POLR3B: variants seen among roughly 807,000 people sequenced by gnomAD.
The protein encoded by POLR3B is DNA-directed RNA polymerase III subunit RPC2.
In POLR3B, 96 loss-of-function variants were observed where a neutral mutation model predicts 147.4. The ratio of observed to expected loss-of-function variants is 0.65; its 90% confidence interval spans 0.55 to 0.77. The LOEUF (loss-of-function observed/expected upper bound fraction) is 0.77. Ranked by LOEUF, POLR3B falls within the 30% of genes least tolerant of loss-of-function variation. The pLI, the probability that POLR3B is intolerant of heterozygous loss-of-function variation, is 0.00. For synonymous variants in POLR3B, 461 were observed against 485.9 expected, an observed-to-expected ratio of 0.95 and a Z score of 0.67; for missense variants, 1,036 against 1,413.5, an observed-to-expected ratio of 0.73 and a Z score of 4.28.
chr12:106,362,417 G>A (rs1271298389), intron 1 of POLR3B, among the ~76,000 whole-genome samples: 1 of 152,192 alleles, frequency 6.6e-6, no homozygotes, highest in African/African-American at 2.4e-5. Flanking sequence ...TTTTCTCATA[G>A]TTCTGGAAGT....
At chr12:106,456,206 G>A (rs114578456) in intron 20 of POLR3B, among the ~76,000 whole-genome samples, 3,070 of 152,200 alleles carry the variant, frequency 0.02, 101 homozygotes, top group African/African-American at 0.067. Flanking sequence ...AGTGTTGAAG[G>A]AATGACAGCT....
intron 19 of POLR3B, among the ~76,000 whole-genome samples, chr12:106,445,369 GA>G (rs1167752954): frequency 6.6e-6 from 1 of 152,180 alleles, no homozygotes; most frequent in East Asian, 1.9e-4. Context: ...CACTTAAAGT[GA>G]GAGTGGGTTT....
chr12:106,358,164 C>A, intron 1 of POLR3B: 2 of 1,441,504 alleles, frequency 1.4e-6, no homozygotes, highest in East Asian at 2.5e-5. Flanking sequence ...AGCTGTCAGC[C>A]GCTGCGGGGG....
intron 12 of POLR3B, among the ~76,000 whole-genome samples, chr12:106,423,996 A>G (rs564163763): frequency 6.6e-6 from 1 of 152,024 alleles, no homozygotes; most frequent in East Asian, 1.9e-4. Flanking sequence ...AGCTGGGATT[A>G]TAGGCACCCG....
chr12:106,445,321 T>A (rs1593045511), intron 19 of POLR3B, among the ~76,000 whole-genome samples: 1 of 152,274 alleles, frequency 6.6e-6, no homozygotes, highest in East Asian at 1.9e-4. Flanking sequence ...AATGCTGTAA[T>A]TGACAACCAA....
chr12:106,487,725 G>A (rs868294120), intron 23 of POLR3B, among the ~76,000 whole-genome samples: 3 of 152,130 alleles, frequency 2.0e-5, no homozygotes, highest in Non-Finnish European at 4.4e-5. Flanking sequence ...AAGCCTGATC[G>A]CTTCAAAGGT....
intron 2 of POLR3B, 31 bp downstream of exon 2, chr12:106,363,933 T>A: frequency 6.6e-7 from 1 of 1,506,246 alleles, no homozygotes; most frequent in Non-Finnish European, 9.2e-7. Context: ...AATAATTGGT[T>A]ATTTTTCAGA....
intron 9 of POLR3B, among the ~76,000 whole-genome samples, chr12:106,388,438 C>T (rs1165797212): frequency 6.6e-6 from 1 of 152,164 alleles, no homozygotes; most frequent in East Asian, 1.9e-4. Context: ...CTGCCTCAGC[C>T]TCCCAAGTAG....
In POLR3B at chr12:106,479,526, G is replaced by T. The variant is rs1171652597; in HGVS notation, c.2713+15906G>T. Among the ~76,000 whole-genome samples, 32 of 151,424 alleles carry T rather than the reference G, an allele frequency of 2.1e-4. 1 individual carries two copies. The highest frequency in any genetic ancestry group is 2.1e-3 in the Admixed American group (32 of 15,190). On this transcript the variant is annotated intron_variant, in intron 23 of 27. Coordinates refer to ENST00000228347, the MANE Select transcript of POLR3B (RefSeq NM_018082.6). ...CTCCCGAGTAGCTGGGACTACAGGT[G>T]CCCGCCACCATGCCTAGCTAATTTT...
intron 18 of POLR3B, among the ~76,000 whole-genome samples, chr12:106,440,850 G>A (rs369461942): frequency 6.6e-6 from 1 of 151,514 alleles, no homozygotes; most frequent in Non-Finnish European, 1.5e-5. Flanking sequence ...TTTTCATCTG[G>A]TTTTTCATTG....
rs1428274353 is a variant in POLR3B, at chr12:106,427,341, G to A, written c.1246G>A (p.Val416Met). 1 of 1,613,496 alleles carries A rather than the reference G, an allele frequency of 6.2e-7. No homozygotes were observed. The highest frequency in any genetic ancestry group is 1.1e-5 in the South Asian group (1 of 91,062). ...CCAAGACCAGATCACCAATGGCATG[G>A]TGAATGCTATTTCTACCGTAAGTCT... ...MRQDQITNGM[V>M]NAISTGNWSL... Residue 416 changes from valine (V) to methionine (M), a missense_variant, in exon 13 of 28, where the codon GTG becomes ATG. By Grantham distance (21) the Val-to-Met change is conservative. Transcript: ENST00000228347.
chr12:106,509,355 T>G, intron 27 of POLR3B, 65 bp from the exon 28 acceptor site: 3 of 1,568,788 alleles, frequency 1.9e-6, no homozygotes, highest in Non-Finnish European at 2.6e-6. Flanking sequence ...CCATTCTCAC[T>G]TCCTACGTGG....
intron 12 of POLR3B, among the ~76,000 whole-genome samples, chr12:106,411,520 G>T (rs971865024): frequency 5.3e-5 from 8 of 152,144 alleles, no homozygotes; most frequent in African/African-American, 1.9e-4. Context: ...ACAAAGTGAA[G>T]TATGACTTTA....
intron 22 of POLR3B, among the ~76,000 whole-genome samples, chr12:106,462,795 G>T (rs1326394135): frequency 6.6e-6 from 1 of 152,096 alleles, no homozygotes; most frequent in African/African-American, 2.4e-5. Context: ...GACCCACTCT[G>T]GTCAGGTCTC....
chr12:106,414,543 T>G (rs2037275951), intron 12 of POLR3B, among the ~76,000 whole-genome samples: 1 of 152,188 alleles, frequency 6.6e-6, no homozygotes, highest in Admixed American at 6.5e-5. Context: ...AACTCTGATT[T>G]AGTCTCCAGG....
chr12:106,444,724 C>A, intron 19 of POLR3B, 134 bp downstream of exon 19: 1 of 906,350 alleles, frequency 1.1e-6, no homozygotes, highest in South Asian at 1.4e-5. Flanking sequence ...GGTTACCAAG[C>A]CCAGGGAGTT....
At chr12:106,421,615 T>A (rs966581114) in intron 12 of POLR3B, among the ~76,000 whole-genome samples, 2 of 152,062 alleles carry the variant, frequency 1.3e-5, no homozygotes, top group African/African-American at 4.8e-5. Flanking sequence ...CAAGGAGATT[T>A]TTGTATATTT....
Position 106,509,266 on chromosome 12 carries a change from C to T in POLR3B, c.3273-154C>T, listed in dbSNP as rs537467115. 4.6e-5 allele frequency among the ~76,000 whole-genome samples: 7 copies of T among 152,212 alleles called. No individual in the cohort carries two copies. In the South Asian group the frequency reaches 6.2e-4, roughly 14 times the overall value. ...ATGTTTCTTTTTTTCTGGGCACATA[C>T]GTACTTATATGATAGTGCAACTGAA... On this transcript the variant is annotated intron_variant, in intron 27 of 27. Transcript: ENST00000228347.
intron 7 of POLR3B, 61 bp downstream of exon 7, chr12:106,376,511 G>C: frequency 8.5e-7 from 1 of 1,180,838 alleles, no homozygotes; most frequent in Non-Finnish European, 1.3e-6. Context: ...CTGCTGCTGT[G>C]GTTTTAACAT....
Sources: gnomAD v4.1 joint callset for allele counts (sites outside exome capture counted in the v4.1 genomes callset) on GRCh38, gnomAD v4.1.1 for gene constraint, MANE v1.5 for transcripts, NCBI Gene and HGNC (gene_info 2026-07-23, HGNC 2026-07-21) for gene names.